The following SLC4A5 variants were observed in gnomAD, a reference collection of about 807,000 sequenced individuals.
SLC4A5 encodes the protein electrogenic sodium bicarbonate cotransporter 4.
SLC4A5 carries 96 observed loss-of-function variants against 120.4 expected under a neutral mutation model. The observed-to-expected ratio is 0.80, with a 90% CI of 0.68 to 0.94. The LOEUF (loss-of-function observed/expected upper bound fraction) is 0.94, where lower values mean the gene tolerates loss of function less well. SLC4A5 is among the 40% of genes least tolerant of loss of function. The pLI is 0.00. For synonymous variants in SLC4A5, 550 were observed against 571.1 expected (o/e 0.96, Z 0.53); for missense variants, 1,259 against 1,459.5 (o/e 0.86, Z 2.24).
At chr2:74,336,343 A>G (rs866399668) in intron 3 of SLC4A5, among the ~76,000 whole-genome samples, 9 of 152,180 alleles carry the variant, frequency 5.9e-5, no homozygotes, top group Admixed American at 1.3e-4. Flanking sequence ...TGCTGGGATT[A>G]CAGGAGTAAG....
At chr2:74,304,457 G>T in intron 7 of SLC4A5, 32 bp downstream of exon 7, 1 of 1,572,984 alleles carries the variant, frequency 6.4e-7, no homozygotes, top group Non-Finnish European at 8.6e-7. Context: ...CAGCAGGATG[G>T]CTCCCCAGAA....
chr2:74,331,628 C>A (rs751453853), intron 4 of SLC4A5, among the ~76,000 whole-genome samples: 6 of 151,902 alleles, frequency 3.9e-5, no homozygotes, highest in Non-Finnish European at 8.8e-5. Context: ...TGGGAAATCA[C>A]CTCTCTGGGC....
intron 29 of SLC4A5, 136 bp downstream of exon 29, chr2:74,222,732 T>G: frequency 1.3e-6 from 1 of 767,872 alleles, no homozygotes; most frequent in Non-Finnish European, 2.2e-6. Flanking sequence ...ACTTGTCCCT[T>G]ATGACAAAAA....
At position 74,228,115 on chromosome 2, in the gene SLC4A5, C is replaced by G. The variant is rs1694914422; in HGVS notation, c.2848-237G>C. Among the ~76,000 whole-genome samples, 3 of 152,272 alleles carry G rather than the reference C, an allele frequency of 2.0e-5. No homozygotes were observed. In the South Asian group the frequency reaches 6.2e-4, roughly 32 times the overall value. On this transcript the variant is annotated intron_variant, in intron 25 of 30. Transcript: ENST00000394019. Reference sequence around the variant, plus strand: ...GCATGCAGCTGCTCTCCTGGCCTGGCCCCTCACTGCACCGTGCGGAGGCCA... The same window carrying G: ...GCATGCAGCTGCTCTCCTGGCCTGGGCCCTCACTGCACCGTGCGGAGGCCA...
chr2:74,231,266 T>C, exon 25 of SLC4A5: 8 of 1,612,210 alleles, frequency 5.0e-6, no homozygotes, highest in Non-Finnish European at 5.9e-6. Flanking sequence ...AGACAGAGAT[T>C]CCCGTCAGGA....
chr2:74,334,968 C>G (rs1226991187), intron 3 of SLC4A5, among the ~76,000 whole-genome samples: 3 of 150,248 alleles, frequency 2.0e-5, no homozygotes, highest in Non-Finnish European at 4.4e-5. Flanking sequence ...CTTGCAGGAG[C>G]AGAGAGTCTT....
At chr2:74,330,184 G>T (rs1673319134) in intron 4 of SLC4A5, among the ~76,000 whole-genome samples, 1 of 150,738 alleles carries the variant, frequency 6.6e-6, no homozygotes, top group Non-Finnish European at 1.5e-5. Context: ...CTAGATGGAG[G>T]TGTGTGATAT....
chr2:74,217,419 T>G (rs889679690), exon 31 of SLC4A5: 4 of 152,202 alleles, frequency 2.6e-5, no homozygotes, highest in Non-Finnish European at 5.9e-5. Context: ...CCAAATAGTT[T>G]TCAATCATTC....
At chr2:74,331,062 T>C (rs1006443713) in intron 4 of SLC4A5, among the ~76,000 whole-genome samples, 8 of 149,026 alleles carry the variant, frequency 5.4e-5, no homozygotes, top group African/African-American at 1.7e-4. Flanking sequence ...TGGTGAGGTA[T>C]AGGTGAGGGT....
intron 5 of SLC4A5, among the ~76,000 whole-genome samples, chr2:74,325,686 A>G (rs1030509988): frequency 2.0e-5 from 3 of 152,168 alleles, no homozygotes; most frequent in Non-Finnish European, 4.4e-5. Context: ...AATCCTCACT[A>G]TAATTCAGTG....
At position 74,343,348 on chromosome 2, in the gene SLC4A5, C is replaced by A. The variant is rs565492580; in HGVS notation, c.-347+8G>T. The A allele has an allele frequency of 6.6e-6, 1 of 152,328 alleles. No individual in the cohort carries two copies. The highest frequency in any genetic ancestry group is 6.5e-5 in the Admixed American group (1 of 15,308). The allele number at this position is 152,328 out of a possible 1,614,324, so 9.4% of individuals were successfully genotyped here. A position where few individuals can be genotyped will look rare whatever the true frequency, so the allele number is the denominator to read the frequency against. On this transcript the variant is annotated splice_region_variant and intron_variant, in intron 1 of 30. Coordinates refer to ENST00000394019, the Ensembl canonical transcript of SLC4A5. ...TAACTTTATTTATGTAAAATCCACTCTACTTACCCCAGTGCAGTGGCCTGT... is the reference window on the plus strand; with the variant it reads ...TAACTTTATTTATGTAAAATCCACTATACTTACCCCAGTGCAGTGGCCTGT...
intron 7 of SLC4A5, chr2:74,290,520 G>C: frequency 1.0e-6 from 1 of 985,096 alleles, no homozygotes; most frequent in Non-Finnish European, 1.2e-6. Context: ...TGTGGTAAGT[G>C]TAAGTGTGAG....
intron 8 of SLC4A5, among the ~76,000 whole-genome samples, chr2:74,285,207 C>T (rs543541396): frequency 6.6e-6 from 1 of 152,262 alleles, no homozygotes; most frequent in Non-Finnish European, 1.5e-5. Flanking sequence ...TATGATTACC[C>T]TACTGCACTG....
At chr2:74,324,160 G>A (rs1263982343) in intron 5 of SLC4A5, among the ~76,000 whole-genome samples, 1 of 152,188 alleles carries the variant, frequency 6.6e-6, no homozygotes, top group Non-Finnish European at 1.5e-5. Flanking sequence ...TTTGTTCAAA[G>A]TGAATCATGT....
At chr2:74,321,372 G>A (rs1673093638) in intron 5 of SLC4A5, among the ~76,000 whole-genome samples, 1 of 152,184 alleles carries the variant, frequency 6.6e-6, no homozygotes, top group African/African-American at 2.4e-5. Flanking sequence ...AGCATTTTCA[G>A]AAGAAAGCCT....
chr2:74,225,970 G>A (rs1054004167), intron 27 of SLC4A5, among the ~76,000 whole-genome samples: 1 of 152,166 alleles, frequency 6.6e-6, no homozygotes, highest in Non-Finnish European at 1.5e-5. Context: ...ACAGTACTCA[G>A]TAAATGCTAA....
At chr2:74,282,376 G>C (rs1224934047) in intron 8 of SLC4A5, among the ~76,000 whole-genome samples, 2 of 152,250 alleles carry the variant, frequency 1.3e-5, no homozygotes, top group Non-Finnish European at 2.9e-5. Context: ...GATCTGCCTA[G>C]AATTGGGTTC....
At chr2:74,227,026 C>T (rs759351683) in exon 27 of SLC4A5, 2 of 1,614,200 alleles carry the variant, frequency 1.2e-6, no homozygotes, top group East Asian at 4.5e-5. Flanking sequence ...AGAGGATCTG[C>T]ACCAGGGTGA....
intron 8 of SLC4A5, among the ~76,000 whole-genome samples, chr2:74,280,674 C>A (rs951131884): frequency 2.1e-5 from 3 of 144,822 alleles, no homozygotes; most frequent in African/African-American, 8.2e-5. Flanking sequence ...GTTAAGAGGG[C>A]ATTATACAGG....
Sources: gnomAD v4.1 joint callset for allele counts (sites outside exome capture counted in the v4.1 genomes callset) on GRCh38, gnomAD v4.1.1 for gene constraint, MANE v1.5 for transcripts, NCBI Gene and HGNC (gene_info 2026-07-23, HGNC 2026-07-21) for gene names.